The following PUDP variants were observed in gnomAD, a reference collection of about 807,000 sequenced individuals.
The protein encoded by PUDP is pseudouridine 5'-phosphatase, also known as pseudouridine-5'-phosphatase.
A neutral mutation model predicts 9.4 loss-of-function variants in PUDP; 8 were observed. The ratio of observed to expected loss-of-function variants is 0.85; its 90% CI spans 0.50 to 1.53. The LOEUF is 1.53. Among genes scored for constraint, PUDP ranks in the 40% most tolerant of loss-of-function variants. The pLI is 0.00. For synonymous variants in PUDP, 99 were observed against 80.7 expected (o/e 1.23, Z -1.22); for missense variants, 188 against 189.7 (o/e 0.99, Z 0.05).
intron 1 of PUDP, among the ~76,000 whole-genome samples, chrX:6,715,835 C>G (rs969852171): frequency 1.8e-5 from 2 of 111,589 alleles, no homozygotes; most frequent in African/African-American, 6.5e-5. Flanking sequence ...AAGCACAGAA[C>G]CACCCACTGC....
intron 3 of PUDP, among the ~76,000 whole-genome samples, chrX:6,889,268 A>T (rs1927477788): frequency 9.0e-6 from 1 of 111,266 alleles, no homozygotes; most frequent in Non-Finnish European, 1.9e-5. Flanking sequence ...CATATTTGTG[A>T]TGTTTTCTGA....
intron 3 of PUDP, among the ~76,000 whole-genome samples, chrX:6,941,138 A>T (rs1482684326): frequency 9.1e-6 from 1 of 110,328 alleles, no homozygotes; most frequent in Non-Finnish European, 1.9e-5. Context: ...CCACTTAATC[A>T]ATGGATAAAT....
At chrX:6,838,577 C>T (rs752159326) in intron 3 of PUDP, among the ~76,000 whole-genome samples, 1 of 112,292 alleles carries the variant, frequency 8.9e-6, no homozygotes, top group South Asian at 3.8e-4. Flanking sequence ...AATTACAGAA[C>T]CGCAGCATTC....
chrX:6,811,577 A>G (rs180750365), intron 3 of PUDP, among the ~76,000 whole-genome samples: 194 of 110,465 alleles, frequency 1.8e-3, no homozygotes, highest in African/African-American at 5.8e-3. Context: ...GGCCTCCCAA[A>G]GTGCTGGGAT....
intron 1 of PUDP, among the ~76,000 whole-genome samples, chrX:7,117,780 A>G (rs1327225007): frequency 1.8e-5 from 2 of 112,921 alleles, no homozygotes; most frequent in Non-Finnish European, 3.7e-5. Context: ...GGTATTTCAG[A>G]AGTCTCCAAG....
At chrX:7,043,037 A>G (rs904464293) in intron 1 of PUDP, among the ~76,000 whole-genome samples, 4 of 111,785 alleles carry the variant, frequency 3.6e-5, no homozygotes, top group African/African-American at 1.3e-4. Context: ...ACAGTGGGAG[A>G]CAAACAAGGG....
intron 3 of PUDP, among the ~76,000 whole-genome samples, chrX:6,841,403 A>T (rs1293022187): frequency 2.7e-5 from 3 of 110,404 alleles, no homozygotes; most frequent in Non-Finnish European, 5.7e-5. Flanking sequence ...ACCAGCCTGG[A>T]CAACACAGCA....
intron 3 of PUDP, among the ~76,000 whole-genome samples, chrX:6,924,282 T>A (rs1457271516): frequency 8.9e-6 from 1 of 111,831 alleles, no homozygotes; most frequent in Non-Finnish European, 1.9e-5. Flanking sequence ...CACTATTGTA[T>A]CTCTTATGAC....
At chrX:6,889,582 T>C (rs375680850) in intron 3 of PUDP, among the ~76,000 whole-genome samples, 59 of 112,508 alleles carry the variant, frequency 5.2e-4, no homozygotes, top group African/African-American at 1.8e-3. Context: ...CTCAGTACCT[T>C]GCATACTCCA....
intron 3 of PUDP, among the ~76,000 whole-genome samples, chrX:6,847,548 AT>A (rs1926767698): frequency 8.9e-6 from 1 of 112,263 alleles, no homozygotes; most frequent in Admixed American, 9.4e-5. Flanking sequence ...ACCTTCATAT[AT>A]TATCAACCTT....
intron 3 of PUDP, among the ~76,000 whole-genome samples, chrX:6,762,034 A>G (rs769380657): frequency 2.2e-4 from 25 of 111,427 alleles, no homozygotes; most frequent in Non-Finnish European, 4.3e-4. Context: ...CTCCAAAAAA[A>G]TACAAAAATC....
At chrX:7,120,335 G>A (rs1458338395) in intron 1 of PUDP, among the ~76,000 whole-genome samples, 1 of 110,927 alleles carries the variant, frequency 9.0e-6, no homozygotes, top group African/African-American at 3.3e-5. Context: ...AGGAGGGAGA[G>A]AGAGAAGGTA....
intron 1 of PUDP, among the ~76,000 whole-genome samples, chrX:6,710,825 C>T (rs1924523008): frequency 8.9e-6 from 1 of 111,845 alleles, no homozygotes; most frequent in Non-Finnish European, 1.9e-5. Context: ...CCAATTTCCT[C>T]CGAAGCCAAT....
intron 3 of PUDP, among the ~76,000 whole-genome samples, chrX:6,767,421 C>G (rs1452657359): frequency 8.9e-6 from 1 of 112,617 alleles, no homozygotes; most frequent in African/African-American, 3.2e-5. Flanking sequence ...AGGGGAGCTG[C>G]TTTTTATTTT....
chrX:6,871,733 C>T (rs920257658), intron 3 of PUDP, among the ~76,000 whole-genome samples: 2 of 110,908 alleles, frequency 1.8e-5, no homozygotes, highest in African/African-American at 6.6e-5. Context: ...AGTGTCAAAA[C>T]CAGGAGATTC....
At chrX:6,730,587 G>C (rs1017504939) in intron 3 of PUDP, among the ~76,000 whole-genome samples, 1 of 112,288 alleles carries the variant, frequency 8.9e-6, no homozygotes, top group Non-Finnish European at 1.9e-5. Flanking sequence ...TAGAACAAAG[G>C]TTACAGTATG....
chrX:6,839,637 T>C (rs12011309), intron 3 of PUDP, among the ~76,000 whole-genome samples: 33,743 of 110,394 alleles, frequency 0.31, 3,837 homozygotes, highest in South Asian at 0.38. Flanking sequence ...TAATATGTCA[T>C]GAGAGGAATG....
At chrX:6,912,839 C>T (rs1927869069) in intron 3 of PUDP, among the ~76,000 whole-genome samples, 1 of 111,840 alleles carries the variant, frequency 8.9e-6, no homozygotes, top group Admixed American at 9.5e-5. Flanking sequence ...ATACCCTCAC[C>T]CAGAAATAAT....
chrX:7,036,694 C>T, intron 1 of PUDP, among the ~76,000 whole-genome samples: 1 of 111,269 alleles, frequency 9.0e-6, no homozygotes, highest in Non-Finnish European at 1.9e-5. Context: ...ATTTTGGTCT[C>T]TTTTTGTGTC....
Sources: allele counts gnomAD v4.1 joint callset (sites outside exome capture counted in the v4.1 genomes callset), GRCh38; gene constraint gnomAD v4.1.1; transcripts MANE v1.5; gene names NCBI Gene and HGNC (gene_info 2026-07-23, HGNC 2026-07-21).